CACNG8: variants seen among roughly 807,000 people sequenced by gnomAD.
CACNG8 encodes voltage-dependent calcium channel gamma-8 subunit.
CACNG8 carries 5 observed loss-of-function variants against 26.9 expected under a neutral mutation model. That is an observed-to-expected ratio of 0.19 (90% CI 0.10 to 0.39). The LOEUF (loss-of-function observed/expected upper bound fraction) is 0.39. CACNG8 is among the 10% of genes least tolerant of loss of function. The pLI is 1.00. For missense variants in CACNG8, 473 were observed against 609.4 expected, an observed-to-expected ratio of 0.78 and a Z score of 2.36; for synonymous variants, 321 against 296.7, an observed-to-expected ratio of 1.08 and a Z score of -0.84.
At chr19:53,966,970 G>A (rs2069275284) in intron 1 of CACNG8, among the ~76,000 whole-genome samples, 5 of 152,122 alleles carry the variant, frequency 3.3e-5, no homozygotes, top group Admixed American at 6.6e-5. Context: ...TAGGATATGA[G>A]AGAGAAGAGC....
intron 1 of CACNG8, among the ~76,000 whole-genome samples, chr19:53,973,485 T>C (rs2069313710): frequency 6.6e-6 from 1 of 151,954 alleles, no homozygotes; most frequent in Admixed American, 6.6e-5. Flanking sequence ...ATTGTGCCAA[T>C]GCACTCCAGC....
intron 1 of CACNG8, among the ~76,000 whole-genome samples, chr19:53,971,062 T>C (rs143194352): frequency 0.063 from 9,470 of 151,290 alleles, 318 homozygotes; most frequent in Middle Eastern, 0.082. Flanking sequence ...GAGGCCGAGG[T>C]GGGTGGATCA....
chr19:53,963,328 C>T lies in CACNG8; in HGVS notation c.186C>T (p.Asp62=). The T allele has an allele frequency of 6.2e-7, 1 of 1,601,964 alleles. No homozygotes were observed. The highest frequency in any genetic ancestry group is 1.1e-5 in the South Asian group (1 of 90,680). The stretch of plus-strand genomic sequence containing the variant: ...CCACCAACCTCACGGCCGGCGGCGA[C>T]GACGGGACCCCCCACCGCGGGGGCG... The change falls in exon 1 of 4, where the codon GAC becomes GAT. Residue 62 remains aspartate (D), a synonymous_variant. Coordinates refer to ENST00000270458, the MANE Select transcript of CACNG8 (RefSeq NM_031895.6).
In CACNG8 at chr19:53,989,188, G is replaced by C. The variant is rs1180487781; in HGVS notation, c.*6339G>C. ...AGGCTGAGGCGGGAGGATTGCTTGA[G>C]TCCAGGAGTTTAAGGTTGCAGTGAG... On this transcript the variant is annotated 3_prime_UTR_variant, in exon 4 of 4. Coordinates refer to ENST00000270458, the MANE Select transcript of CACNG8 (RefSeq NM_031895.6). 6.6e-6 allele frequency: 1 copy of C among 152,302 alleles called. No individual in the cohort carries two copies. Among genetic ancestry groups the C allele is most frequent in the Non-Finnish European group, 1.5e-5 (1 of 68,136 alleles). 9.4% of individuals were successfully genotyped at this position (152,302 alleles called of 1,614,324 possible). A position where few individuals can be genotyped will look rare whatever the true frequency, so the allele number is the denominator to read the frequency against.
chr19:53,966,260 G>T (rs1568795935), intron 1 of CACNG8, among the ~76,000 whole-genome samples: 1 of 151,680 alleles, frequency 6.6e-6, no homozygotes, highest in Non-Finnish European at 1.5e-5. Context: ...GCTAATTTTT[G>T]TATTTTTAGT....
At chr19:53,978,796 A>G (rs1408132735) in intron 2 of CACNG8, among the ~76,000 whole-genome samples, 9 of 128,602 alleles carry the variant, frequency 7.0e-5, no homozygotes, top group Non-Finnish European at 9.7e-5. Flanking sequence ...GCGGGGAGAG[A>G]GAGATAAGGG....
chr19:53,974,494 TATG>T (rs1600030738), intron 1 of CACNG8, among the ~76,000 whole-genome samples: 2 of 152,318 alleles, frequency 1.3e-5, no homozygotes, highest in South Asian at 4.1e-4. Flanking sequence ...TGCTGGATCA[TATG>T]ATGATTCTAT....
intron 1 of CACNG8, among the ~76,000 whole-genome samples, chr19:53,964,283 C>T (rs1369877422): frequency 6.6e-6 from 1 of 151,422 alleles, no homozygotes; most frequent in African/African-American, 2.4e-5. Flanking sequence ...CTGTCTCTTT[C>T]CCCTTCTCTT....
chr19:53,977,565 G>T (rs893352848), intron 1 of CACNG8, among the ~76,000 whole-genome samples: 5 of 152,078 alleles, frequency 3.3e-5, no homozygotes, highest in African/African-American at 1.2e-4. Flanking sequence ...GTTCCCTGCA[G>T]AAAGAGACTG....
chr19:53,964,591 C>T (rs1292950809), intron 1 of CACNG8, among the ~76,000 whole-genome samples: 2 of 152,080 alleles, frequency 1.3e-5, no homozygotes, highest in East Asian at 1.9e-4. Context: ...CTCGGATCTT[C>T]GACTTGGTTC....
chr19:53,970,429 A>G (rs2069295794), intron 1 of CACNG8, among the ~76,000 whole-genome samples: 1 of 151,532 alleles, frequency 6.6e-6, no homozygotes, highest in African/African-American at 2.4e-5. Context: ...GTTCGAGTCC[A>G]GCCTGGCCTA....
At chr19:53,973,921 T>C (rs562831643) in intron 1 of CACNG8, among the ~76,000 whole-genome samples, 12 of 152,186 alleles carry the variant, frequency 7.9e-5, no homozygotes, top group African/African-American at 2.9e-4. Context: ...TATGTGGGAG[T>C]TGTATATTCA....
intron 1 of CACNG8, among the ~76,000 whole-genome samples, chr19:53,972,832 C>T (rs73600101): frequency 9.9e-5 from 15 of 152,206 alleles, no homozygotes; most frequent in African/African-American, 3.4e-4. Flanking sequence ...CCAGAGCCCA[C>T]GATCAATAAC....
chr19:53,972,804 T>C (rs1323846058), intron 1 of CACNG8, among the ~76,000 whole-genome samples: 5 of 152,138 alleles, frequency 3.3e-5, no homozygotes, highest in Non-Finnish European at 7.3e-5. Context: ...TTGGGATGTG[T>C]GTCCAGAGAG....
At chr19:53,963,610 G>A (rs2069255608) in intron 1 of CACNG8, among the ~76,000 whole-genome samples, 185 bp downstream of exon 1, 1 of 151,808 alleles carries the variant, frequency 6.6e-6, no homozygotes, top group Non-Finnish European at 1.5e-5. Flanking sequence ...ACTCCTCCCT[G>A]CGTCCTGGCA....
chr19:53,965,469 G>T (rs2069267167), intron 1 of CACNG8, among the ~76,000 whole-genome samples: 1 of 151,734 alleles, frequency 6.6e-6, no homozygotes, highest in African/African-American at 2.4e-5. Context: ...TCCATTCACT[G>T]GTCTGACCAA....
chr19:53,977,567 AAG>A (rs1458200616), intron 1 of CACNG8, among the ~76,000 whole-genome samples: 1 of 152,088 alleles, frequency 6.6e-6, no homozygotes, highest in East Asian at 1.9e-4. Context: ...TCCCTGCAGA[AAG>A]AGACTGGAAC....
intron 1 of CACNG8, among the ~76,000 whole-genome samples, chr19:53,975,957 A>G (rs972839023): frequency 3.3e-5 from 5 of 152,168 alleles, no homozygotes; most frequent in South Asian, 2.1e-4. Context: ...AATCCCTCAT[A>G]TCAGTCCCAT....
chr19:53,982,657 G>A lies in CACNG8; in HGVS notation c.1086G>A (p.Ala362=), dbSNP rs1470390646. 7.5e-6 allele frequency: 8 copies of A among 1,071,056 alleles called. No individual in the cohort carries two copies. The highest frequency in any genetic ancestry group is 9.0e-6 in the Non-Finnish European group (8 of 887,088). 66.3% of individuals were successfully genotyped at this position (1,071,056 alleles called of 1,614,324 possible). ...GTGCCGAGCGGGACCGCGGGGGGGC[G>A]TCCGGCTTCCTCACGCTGCACAACG... Residue 362 remains alanine, a synonymous_variant, in exon 4 of 4, where the codon GCG becomes GCA. Coordinates refer to ENST00000270458, the MANE Select transcript of CACNG8 (RefSeq NM_031895.6). This position sits in a 1 kb window ranked among gnomAD's most constrained non-coding sequence, Gnocchi z 8.4.
Sources: gnomAD v4.1 joint callset for allele counts (sites outside exome capture counted in the v4.1 genomes callset) on GRCh38, gnomAD v4.1.1 for gene constraint, Gnocchi (gnomAD v3.1) non-coding constraint, MANE v1.5 for transcripts, NCBI Gene and HGNC (gene_info 2026-07-23, HGNC 2026-07-21) for gene names.